CCDC91: variants seen among roughly 807,000 people sequenced by gnomAD.
CCDC91 encodes coiled-coil domain containing 91.
CCDC91 carries 48 observed loss-of-function variants against 63.2 expected under a neutral mutation model. The ratio of observed to expected loss-of-function variants is 0.76; its 90% CI spans 0.60 to 0.97. CCDC91 has a LOEUF of 0.97. Among genes scored for constraint, CCDC91 ranks in the 50% least tolerant of loss-of-function variants. The probability of loss-of-function intolerance (pLI) is 0.00; values close to 1 mark genes in which losing one functional copy is unlikely to be tolerated. For synonymous variants in CCDC91, 167 were observed against 165.8 expected, an observed-to-expected ratio of 1.01 and a Z score of -0.06; for missense variants, 500 against 494.6, an observed-to-expected ratio of 1.01 and a Z score of -0.10.
intron 8 of CCDC91, among the ~76,000 whole-genome samples, chr12:28,437,392 G>A (rs1263845465): frequency 6.6e-6 from 1 of 151,862 alleles, no homozygotes; most frequent in Non-Finnish European, 1.5e-5. Flanking sequence ...CATGCATATT[G>A]TTTTTATTCC....
At position 28,198,911 on chromosome 12, in the gene CCDC91, T is replaced by A. The variant is rs185861769; in HGVS notation, c.-15+8270T>A. ...ATATTTTCTAATGTACCATTTTAAT[T>A]TCCTTGATGTTTCTCTTTTTTTTTT... is the stretch of plus-strand genomic sequence containing the variant. On this transcript the variant is annotated intron_variant, in intron 1 of 12. Coordinates refer to ENST00000536442, the MANE Select transcript of CCDC91 (RefSeq NM_018318.5). 5.0e-4 allele frequency: 75 copies of A among 149,898 alleles called. 1 individual carries two copies. Among genetic ancestry groups the A allele is most frequent in the African/African-American group, 1.8e-3 (73 of 40,944 alleles). 9.3% of individuals were successfully genotyped at this position (149,898 alleles called of 1,614,324 possible).
intron 6 of CCDC91, among the ~76,000 whole-genome samples, chr12:28,317,334 G>C (rs1273261918): frequency 6.6e-6 from 1 of 151,928 alleles, no homozygotes; most frequent in African/African-American, 2.4e-5. Context: ...GCTGATTGCT[G>C]TTAAAGGGAA....
At chr12:28,496,941 T>C (rs1481265315) in intron 12 of CCDC91, among the ~76,000 whole-genome samples, 7 of 141,018 alleles carry the variant, frequency 5.0e-5, no homozygotes, top group East Asian at 2.0e-4. Flanking sequence ...CATATATATA[T>C]ACATATATAT....
chr12:28,359,769 T>C (rs1480030811), intron 6 of CCDC91, among the ~76,000 whole-genome samples: 2 of 152,160 alleles, frequency 1.3e-5, no homozygotes, highest in East Asian at 3.9e-4. Flanking sequence ...AAACATAAAA[T>C]GGCAGAATAT....
chr12:28,260,854 T>C (rs1227768315), intron 3 of CCDC91, among the ~76,000 whole-genome samples: 1 of 151,986 alleles, frequency 6.6e-6, no homozygotes, highest in Non-Finnish European at 1.5e-5. Context: ...GTAGATGATA[T>C]TTATATAATG....
At chr12:28,511,039 T>G (rs1592905316) in intron 12 of CCDC91, among the ~76,000 whole-genome samples, 1 of 151,968 alleles carries the variant, frequency 6.6e-6, no homozygotes, top group Non-Finnish European at 1.5e-5. Flanking sequence ...GGTCGACATG[T>G]GTACTTCATA....
intron 7 of CCDC91, among the ~76,000 whole-genome samples, chr12:28,384,807 G>A (rs964448759): frequency 6.6e-6 from 1 of 151,980 alleles, no homozygotes; most frequent in African/African-American, 2.4e-5. Context: ...AGGCAGGTAT[G>A]TAAAGTTCAT....
chr12:28,475,440 G>C (rs1473752405), intron 11 of CCDC91, among the ~76,000 whole-genome samples: 1 of 152,036 alleles, frequency 6.6e-6, no homozygotes, highest in East Asian at 1.9e-4. Context: ...ACATGGTACT[G>C]TATATCTATT....
intron 12 of CCDC91, among the ~76,000 whole-genome samples, chr12:28,532,194 A>G (rs1288836153): frequency 6.6e-6 from 1 of 152,160 alleles, no homozygotes; most frequent in Non-Finnish European, 1.5e-5. Flanking sequence ...AGCAAATGGA[A>G]TACCTTTATG....
At chr12:28,525,960 C>T (rs1331307673) in intron 12 of CCDC91, among the ~76,000 whole-genome samples, 1 of 151,924 alleles carries the variant, frequency 6.6e-6, no homozygotes, top group Non-Finnish European at 1.5e-5. Context: ...GTTTTCCATC[C>T]CTTTACCTTA....
chr12:28,495,994 T>G (rs1952258738), intron 12 of CCDC91, among the ~76,000 whole-genome samples: 1 of 151,666 alleles, frequency 6.6e-6, no homozygotes, highest in Admixed American at 6.6e-5. Flanking sequence ...ACTAAAATCT[T>G]TCCGATTTTC....
chr12:28,483,243 A>T (rs1218139996), intron 11 of CCDC91, among the ~76,000 whole-genome samples: 1 of 152,072 alleles, frequency 6.6e-6, no homozygotes, highest in Non-Finnish European at 1.5e-5. Context: ...AACTGAAGCA[A>T]ATATTCTGAG....
chr12:28,236,310 T>A (rs1944945857), intron 1 of CCDC91: 1 of 152,090 alleles, frequency 6.6e-6, no homozygotes, highest in Non-Finnish European at 1.5e-5. Context: ...GGCAGTTTTC[T>A]GTGAAGAGTA....
chr12:28,288,857 C>A (rs555523178), intron 3 of CCDC91, among the ~76,000 whole-genome samples: 19 of 152,056 alleles, frequency 1.2e-4, no homozygotes, highest in African/African-American at 4.6e-4. Context: ...ATTCAGTTTG[C>A]GAGCTTGTTA....
At chr12:28,450,534 T>G (rs1329973296) in intron 10 of CCDC91, 116 bp downstream of exon 10, 1 of 721,794 alleles carries the variant, frequency 1.4e-6, no homozygotes, top group Non-Finnish European at 2.3e-6. Flanking sequence ...ATCGTTTTTA[T>G]TTCTTTTATT....
intron 8 of CCDC91, among the ~76,000 whole-genome samples, chr12:28,429,737 G>C (rs992074233): frequency 1.3e-5 from 2 of 151,994 alleles, no homozygotes; most frequent in Non-Finnish European, 2.9e-5. Context: ...CAGGTAGATT[G>C]AAATATTACT....
intron 12 of CCDC91, among the ~76,000 whole-genome samples, chr12:28,521,352 C>G (rs1304366833): frequency 6.6e-6 from 1 of 152,086 alleles, no homozygotes; most frequent in Non-Finnish European, 1.5e-5. Flanking sequence ...TGGGAGTTCA[C>G]TCATGATTTG....
At chr12:28,197,041 A>T (rs148663983) in intron 1 of CCDC91, among the ~76,000 whole-genome samples, 1 of 152,286 alleles carries the variant, frequency 6.6e-6, no homozygotes, top group African/African-American at 2.4e-5. Flanking sequence ...AACATTAAAT[A>T]TTTGTGCTTA....
chr12:28,212,112 G>T (rs1565618497), intron 1 of CCDC91, among the ~76,000 whole-genome samples: 1 of 152,196 alleles, frequency 6.6e-6, no homozygotes, highest in Non-Finnish European at 1.5e-5. Flanking sequence ...TGTGAGATCA[G>T]TGGACACAAA....
Sources: gnomAD v4.1 joint callset for allele counts (sites outside exome capture counted in the v4.1 genomes callset) on GRCh38, gnomAD v4.1.1 for gene constraint, MANE v1.5 for transcripts, NCBI Gene and HGNC (gene_info 2026-07-23, HGNC 2026-07-21) for gene names.